DYNC1H1: variants seen among roughly 807,000 people sequenced by gnomAD.
DYNC1H1 encodes cytoplasmic dynein 1 heavy chain 1.
In DYNC1H1, 51 loss-of-function variants were observed where a neutral mutation model predicts 527.1. The ratio of observed to expected loss-of-function variants is 0.10; its 90% CI spans 0.08 to 0.12. The LOEUF (loss-of-function observed/expected upper bound fraction) is 0.12. DYNC1H1 is among the 10% of genes least tolerant of loss of function. The pLI is 1.00. For missense variants in DYNC1H1, 2,771 were observed against 5,971.8 expected (o/e 0.46, Z 17.66); for synonymous variants, 2,189 against 2,278.8 (o/e 0.96, Z 1.12).
chr14:102,008,086 G>A, intron 28 of DYNC1H1, 92 bp from the exon 29 acceptor site: 1 of 1,574,678 alleles, frequency 6.4e-7, no homozygotes. Context: ...ACTAGGGTTA[G>A]GGCATCAACA....
Position 102,042,330 on chromosome 14 carries a change from G to C in DYNC1H1, c.12275+42G>C. The C allele has an allele frequency of 1.2e-6, 2 of 1,614,160 alleles. No individual in the cohort carries two copies. Among genetic ancestry groups the C allele is most frequent in the Non-Finnish European group, 1.7e-6 (2 of 1,180,024 alleles). ...TGGCTGAAGAAAGCCTTAGTCCCCA[G>C]GCATTCAGGCAGGCAGCCTGGCATG... On this transcript the variant is annotated intron_variant, in intron 67 of 77. Transcript: ENST00000360184. The surrounding 1 kb of genome is among the most constrained non-coding windows in gnomAD (Gnocchi z 5.7).
chr14:101,989,085 A>T (rs2047967363), intron 10 of DYNC1H1, among the ~76,000 whole-genome samples: 2 of 152,202 alleles, frequency 1.3e-5, no homozygotes, highest in African/African-American at 2.4e-5. Context: ...CCTCACTCTC[A>T]TGTGAGATGT....
chr14:102,046,894 G>T (rs2048727302), intron 72 of DYNC1H1, among the ~76,000 whole-genome samples: 1 of 152,016 alleles, frequency 6.6e-6, no homozygotes, highest in Non-Finnish European at 1.5e-5. Flanking sequence ...AGCTTTCTGG[G>T]CTCAAGCGAT....
chr14:102,048,724 G>A lies in DYNC1H1; in HGVS notation c.13372+55G>A, dbSNP rs543570602. ...CTTCCGGCGGGCACCTTGGCCAGGG[G>A]CCACAACCCAGCCCAGCCACACAGC... On this transcript the variant is annotated intron_variant, in intron 74 of 77. Transcript: ENST00000360184. 1.1e-5 allele frequency: 16 copies of A among 1,499,360 alleles called. No individual in the cohort carries two copies. In the Admixed American group the frequency reaches 1.8e-4, roughly 17 times the overall value. The allele number at this position is 1,499,360 out of a possible 1,614,324, so 92.9% of individuals were successfully genotyped here.
rs1434078303 is a variant in DYNC1H1, at chr14:102,048,650, G to A, written c.13353G>A (p.Leu4451=). ...KKKQTNYLRT[L]INELVKGILP... Reference sequence around the variant, plus strand: ...AGCAGACCAACTACTTGCGCACGCTGATCAACGAGCTAGTGAAAGGTGCGT... The same window carrying A: ...AGCAGACCAACTACTTGCGCACGCTAATCAACGAGCTAGTGAAAGGTGCGT... Residue 4451 remains leucine (L), a synonymous_variant, in exon 74 of 78, where the codon CTG becomes CTA. Coordinates refer to ENST00000360184, the MANE Select transcript of DYNC1H1 (RefSeq NM_001376.5). 6.2e-7 allele frequency: 1 copy of A among 1,613,480 alleles called. No individual in the cohort carries two copies. The highest frequency in any genetic ancestry group is 1.7e-5 in the Admixed American group (1 of 60,024).
In DYNC1H1 at chr14:102,038,770, A is replaced by T; in HGVS notation, c.11128A>T (p.Ser3710Cys). The change falls in exon 59 of 78, where the codon AGC (serine) becomes TGC (cysteine). Residue 3710 changes from serine to cysteine, a missense_variant. Ser to Cys is a moderately radical substitution (Grantham distance 112). Transcript: ENST00000360184. This position sits in a 1 kb window ranked among gnomAD's most constrained non-coding sequence, Gnocchi z 7.2. ...CACAGTTACCCGTAGCAGTTTACAA[A>T]GCCAGTGTCTAAATGAAGTACTTAA... The part of the protein sequence containing the change: ...NFTVTRSSLQ[S>C]QCLNEVLKAE... 3.1e-6 allele frequency: 5 copies of T among 1,614,206 alleles called. No individual in the cohort carries two copies. Among genetic ancestry groups the T allele is most frequent in the Non-Finnish European group, 4.2e-6 (5 of 1,180,040 alleles).
At chr14:102,032,655 C>T in intron 52 of DYNC1H1, 188 bp downstream of exon 52, 1 of 736,952 alleles carries the variant, frequency 1.4e-6, no homozygotes, top group Non-Finnish European at 2.3e-6. Flanking sequence ...AGTTAGAGAC[C>T]AACCTGGGCT....
At position 101,982,933 on chromosome 14, in the gene DYNC1H1, A is replaced by G. The variant is rs1595599077; in HGVS notation, c.962-86A>G. On this transcript the variant is annotated intron_variant, in intron 5 of 77. Transcript: ENST00000360184. ...TCTCGCTAGATATTTTGCAACATCA[A>G]AATGTTCCATTGTAATGGCATATTT... The G allele has an allele frequency of 2.0e-6, 3 of 1,514,734 alleles. No individual in the cohort carries two copies. The Admixed American group carries it at 5.3e-5, about 27-fold the overall frequency. The allele number at this position is 1,514,734 out of a possible 1,614,324, so 93.8% of individuals were successfully genotyped here.
intron 8 of DYNC1H1, 108 bp from the exon 9 acceptor site, chr14:101,987,345 T>C: frequency 8.0e-7 from 1 of 1,249,178 alleles, no homozygotes; most frequent in Non-Finnish European, 1.1e-6. Context: ...ATGGAAGAAC[T>C]GTGCCTGGAG....
chr14:101,979,641 T>A lies in DYNC1H1; in HGVS notation c.519-78T>A. 6.2e-7 allele frequency: 1 copy of A among 1,609,322 alleles called. No homozygotes were observed. The highest frequency in any genetic ancestry group is 1.1e-5 in the South Asian group (1 of 90,764). On this transcript the variant is annotated intron_variant, in intron 3 of 77. Transcript: ENST00000360184. This position sits in a 1 kb window ranked among gnomAD's most constrained non-coding sequence, Gnocchi z 4.6. ...TTAATAAATATGTGTGTCATTACTA[T>A]TTGACAGACCTGAAATGATGGGATC...
chr14:102,033,346 C>G lies in DYNC1H1; in HGVS notation c.10275C>G (p.Asp3425Glu). Residue 3425 changes from aspartate to glutamate, a missense_variant, in exon 54 of 78, where the codon GAC becomes GAG. Asp to Glu is a conservative substitution (Grantham distance 45, BLOSUM62 2). This residue lies in a region of DYNC1H1 where 283 missense variants were observed against 737.6 expected (regional missense o/e 0.38). Transcript: ENST00000360184. This position sits in a 1 kb window ranked among gnomAD's most constrained non-coding sequence, Gnocchi z 5.6. ...AGAAGCTGGAAGATGACGCCAAGGA[C>G]AACCAGCAGAAGGCCAACGAGGTGG... ...ELQKLEDDAK[D>E]NQQKANEVEQ... 6.2e-7 allele frequency: 1 copy of G among 1,614,218 alleles called. No homozygotes were observed. Among genetic ancestry groups the G allele is most frequent in the Non-Finnish European group, 8.5e-7 (1 of 1,180,044 alleles).
rs375810066 is a variant in DYNC1H1 at position 101,986,571 on chromosome 14, C to A, written c.2346C>A (p.Ile782=). ...TTTACCCGTTTGCCATCTCACTGATCGAGAGCGTTCGTACCTATGAACGGA... is the reference window on the plus strand; with the variant it reads ...TTTACCCGTTTGCCATCTCACTGATAGAGAGCGTTCGTACCTATGAACGGA... ...NQLYPFAISL[I]ESVRTYERTC... is the part of the protein sequence containing the mutation. The change falls in exon 8 of 78, where the codon ATC becomes ATA. Residue 782 remains isoleucine, a synonymous_variant. Coordinates refer to ENST00000360184, the MANE Select transcript of DYNC1H1 (RefSeq NM_001376.5). The surrounding 1 kb of genome is among the most constrained non-coding windows in gnomAD (Gnocchi z 8.7). 6 of 1,613,990 alleles carry A rather than the reference C, an allele frequency of 3.7e-6. No individual in the cohort carries two copies. The African/African-American group carries it at 8.0e-5, about 22-fold the overall frequency.
chr14:102,004,836 G>T lies in DYNC1H1; in HGVS notation c.5124G>T (p.Glu1708Asp). 1 of 1,614,210 alleles carries T rather than the reference G, an allele frequency of 6.2e-7. No homozygotes were observed. Among genetic ancestry groups the T allele is most frequent in the Non-Finnish European group, 8.5e-7 (1 of 1,180,034 alleles). Reference sequence around the variant, plus strand: ...AGTGGCTCACATTGGTAGAAAAGGAGATGAGAGTCACCCTGGCCAAACTGC... The same window carrying T: ...AGTGGCTCACATTGGTAGAAAAGGATATGAGAGTCACCCTGGCCAAACTGC... ...INEWLTLVEK[E>D]MRVTLAKLLA... The change falls in exon 25 of 78, where the codon GAG (glutamate) becomes GAT (aspartate). Residue 1708 changes from glutamate (E) to aspartate (D), a missense_variant. Physicochemically the swap from Glu to Asp is conservative, Grantham distance 45. Coordinates refer to ENST00000360184, the MANE Select transcript of DYNC1H1 (RefSeq NM_001376.5).
chr14:101,981,337 G>A (rs1326419857), intron 5 of DYNC1H1, among the ~76,000 whole-genome samples: 2 of 152,112 alleles, frequency 1.3e-5, no homozygotes, highest in Admixed American at 6.6e-5. Context: ...TGCCCATGCT[G>A]GTATCAAACT....
At chr14:101,989,951 T>TA in intron 10 of DYNC1H1, among the ~76,000 whole-genome samples, 1 of 152,342 alleles carries the variant, frequency 6.6e-6, no homozygotes, top group South Asian at 2.1e-4. Flanking sequence ...CACAAATACT[T>TA]ACCATTGTGT....
intron 5 of DYNC1H1, 142 bp from the exon 6 acceptor site, chr14:101,982,877 G>A (rs908582391): frequency 2.2e-5 from 22 of 1,003,126 alleles, no homozygotes; most frequent in African/African-American, 1.5e-4. Flanking sequence ...TGTTAATAAC[G>A]TGTTGTTTTT....
chr14:102,026,993 G>A (rs2048458399), intron 44 of DYNC1H1, 181 bp from the exon 45 acceptor site: 3 of 845,500 alleles, frequency 3.5e-6, no homozygotes, highest in African/African-American at 1.7e-5. Context: ...TAGAGGACAG[G>A]ACCGTGTCTT....
chr14:102,006,897 G>A (rs2048203485), intron 27 of DYNC1H1, 111 bp from the exon 28 acceptor site: 1 of 1,173,632 alleles, frequency 8.5e-7, no homozygotes, highest in Non-Finnish European at 1.2e-6. Context: ...ACCCTACCTG[G>A]CCACTACTTG....
In DYNC1H1 at chr14:102,001,777, T is replaced by TA. The variant is rs2048133459; in HGVS notation, c.4542+97dup. 1 of 1,552,860 alleles carries TA rather than the reference T, an allele frequency of 6.4e-7. No homozygotes were observed. The highest frequency in any genetic ancestry group is 8.8e-7 in the Non-Finnish European group (1 of 1,134,198). On this transcript the variant is annotated intron_variant, in intron 21 of 77. Transcript: ENST00000360184. This position sits in a 1 kb window ranked among gnomAD's most constrained non-coding sequence, Gnocchi z 5.0. Reference sequence around the variant, plus strand: ...TGACAGTTACTAGGTACCTGTTTTTTATTGTATTTTTTGAGACAGGGTCTC... The same window carrying TA: ...TGACAGTTACTAGGTACCTGTTTTTTAATTGTATTTTTTGAGACAGGGTCTC...
Sources: allele counts gnomAD v4.1 joint callset (sites outside exome capture counted in the v4.1 genomes callset), GRCh38; gene constraint gnomAD v4.1.1; regional missense constraint gnomAD v4.1.1; non-coding constraint Gnocchi (gnomAD v3.1); transcripts MANE v1.5; gene names NCBI Gene and HGNC (gene_info 2026-07-23, HGNC 2026-07-21).